Variants in NELL1 observed in about 807,000 individuals in gnomAD.
NELL1 encodes the protein neural EGFL like 1.
NELL1 carries 76 observed loss-of-function variants against 107.4 expected under a neutral mutation model. The observed-to-expected ratio is 0.71, with a 90% CI of 0.59 to 0.86. NELL1 has a LOEUF of 0.86. Ranked by LOEUF, NELL1 falls within the 40% of genes least tolerant of loss-of-function variation. NELL1 has a pLI of 0.00. For synonymous variants in NELL1, 353 were observed against 341.2 expected (o/e 1.03, Z -0.38); for missense variants, 1,024 against 1,005.5 (o/e 1.02, Z -0.25).
At chr11:21,282,481 A>G (rs1590802168) in intron 14 of NELL1, among the ~76,000 whole-genome samples, 2 of 149,470 alleles carry the variant, frequency 1.3e-5, no homozygotes, top group East Asian at 3.9e-4. Flanking sequence ...TCTGTCTCAA[A>G]AAAAAAAAAA....
At chr11:21,193,256 T>G (rs1298982740) in intron 13 of NELL1, among the ~76,000 whole-genome samples, 1 of 151,786 alleles carries the variant, frequency 6.6e-6, no homozygotes, top group East Asian at 1.9e-4. Context: ...GAGGTTGGAA[T>G]AGGACAGAAA....
chr11:21,325,224 G>A (rs1418704453), intron 14 of NELL1, among the ~76,000 whole-genome samples: 1 of 152,024 alleles, frequency 6.6e-6, no homozygotes, highest in African/African-American at 2.4e-5. Context: ...TGTTTTGTCA[G>A]ACTGAATATA....
At chr11:21,023,162 G>A (rs745822866) in intron 12 of NELL1, among the ~76,000 whole-genome samples, 20 of 152,198 alleles carry the variant, frequency 1.3e-4, no homozygotes, top group South Asian at 2.1e-4. Context: ...AGAACAGTGG[G>A]ATATTGCCTT....
intron 15 of NELL1, among the ~76,000 whole-genome samples, chr11:21,447,600 T>G (rs1347539527): frequency 1.3e-5 from 2 of 152,162 alleles, no homozygotes; most frequent in African/African-American, 4.8e-5. Context: ...CAAAGTCGAC[T>G]TTTCTCTTCC....
chr11:21,022,497 G>T (rs750935938), intron 12 of NELL1, among the ~76,000 whole-genome samples: 5 of 152,080 alleles, frequency 3.3e-5, no homozygotes, highest in Non-Finnish European at 7.4e-5. Context: ...CTTGAAAATG[G>T]GACTAAGTCC....
In NELL1 at chr11:21,417,893, T is replaced by C. The variant is rs149170304; in HGVS notation, c.1645+46945T>C. 3.9e-3 allele frequency among the ~76,000 whole-genome samples: 595 copies of C among 152,136 alleles called. 1 individual carries two copies. The highest frequency in any genetic ancestry group is 6.5e-3 in the Non-Finnish European group (439 of 67,982). On this transcript the variant is annotated intron_variant, in intron 15 of 19. Transcript: ENST00000357134. ...GAAACAAAACAAAACAAGTCTATCT[T>C]CTCCAAATCCCATCCAGCTCAACAG...
chr11:21,548,657 G>A (rs1856500920), intron 16 of NELL1, among the ~76,000 whole-genome samples: 1 of 151,756 alleles, frequency 6.6e-6, no homozygotes, highest in African/African-American at 2.4e-5. Flanking sequence ...TTTGGGTAGG[G>A]ACCCAGAGCC....
At chr11:21,359,034 T>G (rs1851011564) in intron 14 of NELL1, among the ~76,000 whole-genome samples, 1 of 152,176 alleles carries the variant, frequency 6.6e-6, no homozygotes, top group Non-Finnish European at 1.5e-5. Flanking sequence ...GTGGTAAAAC[T>G]GGGCATTCTT....
intron 13 of NELL1, among the ~76,000 whole-genome samples, chr11:21,184,955 T>C (rs1856902628): frequency 6.6e-6 from 1 of 151,904 alleles, no homozygotes; most frequent in Non-Finnish European, 1.5e-5. Context: ...CAGTATTTTG[T>C]TGTTAGCACC....
At chr11:20,791,240 G>A (rs1857067451) in intron 3 of NELL1, among the ~76,000 whole-genome samples, 2 of 152,094 alleles carry the variant, frequency 1.3e-5, no homozygotes, top group Admixed American at 6.5e-5. Flanking sequence ...TTCTCAGGTC[G>A]TCTTTCATTT....
intron 15 of NELL1, among the ~76,000 whole-genome samples, chr11:21,397,249 A>G (rs957253782): frequency 4.0e-5 from 6 of 151,662 alleles, no homozygotes; most frequent in African/African-American, 9.7e-5. Flanking sequence ...TCTTTAAATA[A>G]TTAGCATATT....
intron 2 of NELL1, among the ~76,000 whole-genome samples, chr11:20,684,709 G>T (rs903094872): frequency 3.3e-5 from 5 of 151,892 alleles, no homozygotes; most frequent in African/African-American, 1.2e-4. Flanking sequence ...TTTGAGTTTT[G>T]TTCTAGTAAC....
At chr11:21,500,734 A>C (rs1855117078) in intron 15 of NELL1, among the ~76,000 whole-genome samples, 1 of 152,116 alleles carries the variant, frequency 6.6e-6, no homozygotes, top group Non-Finnish European at 1.5e-5. Flanking sequence ...GAGAGATTGT[A>C]TTTACAAACC....
At chr11:20,930,755 A>G (rs1310625218) in intron 9 of NELL1, among the ~76,000 whole-genome samples, 1 of 150,954 alleles carries the variant, frequency 6.6e-6, no homozygotes, top group Non-Finnish European at 1.5e-5. Flanking sequence ...ATTTCAGAAA[A>G]TAACTCAATT....
At chr11:21,063,904 A>T (rs553664266) in intron 12 of NELL1, among the ~76,000 whole-genome samples, 1 of 152,216 alleles carries the variant, frequency 6.6e-6, no homozygotes, top group South Asian at 2.1e-4. Flanking sequence ...AATAAAACAG[A>T]TTGTCAGTGT....
intron 12 of NELL1, among the ~76,000 whole-genome samples, chr11:21,008,674 C>T (rs942688284): frequency 6.6e-6 from 1 of 151,790 alleles, no homozygotes; most frequent in Admixed American, 6.6e-5. Flanking sequence ...TTTGGGAGAC[C>T]TATACCCATC....
intron 14 of NELL1, among the ~76,000 whole-genome samples, chr11:21,285,254 A>G (rs1033295567): frequency 2.6e-5 from 4 of 152,324 alleles, no homozygotes; most frequent in Non-Finnish European, 4.4e-5. Flanking sequence ...ACGATATTAT[A>G]TACTGAATAA....
intron 12 of NELL1, among the ~76,000 whole-genome samples, chr11:20,976,217 T>A (rs980516199): frequency 4.0e-5 from 6 of 151,206 alleles, no homozygotes; most frequent in Non-Finnish European, 5.9e-5. Flanking sequence ...TACAGATATG[T>A]GTGTGTATAT....
intron 13 of NELL1, among the ~76,000 whole-genome samples, chr11:21,184,642 C>G (rs1856895320): frequency 6.6e-6 from 1 of 151,838 alleles, no homozygotes; most frequent in Non-Finnish European, 1.5e-5. Flanking sequence ...GTCAATGTCT[C>G]TGAAGAAAAG....
Sources: gnomAD v4.1 joint callset for allele counts (sites outside exome capture counted in the v4.1 genomes callset) on GRCh38, gnomAD v4.1.1 for gene constraint, MANE v1.5 for transcripts, NCBI Gene and HGNC (gene_info 2026-07-23, HGNC 2026-07-21) for gene names.